The following SYNE1 variants were observed in gnomAD, a reference collection of about 807,000 sequenced individuals.
SYNE1 encodes the protein nesprin-1.
SYNE1 carries 616 observed loss-of-function variants against 1,111.0 expected under a neutral mutation model. The ratio of observed to expected loss-of-function variants is 0.55; its 90% CI spans 0.52 to 0.59. The LOEUF is 0.59. Ranked by LOEUF, SYNE1 falls within the 20% of genes least tolerant of loss-of-function variation. The probability of loss-of-function intolerance (pLI) is 0.00; values close to 1 mark genes in which losing one functional copy is unlikely to be tolerated. For missense variants in SYNE1, 10,006 were observed against 10,417.0 expected (o/e 0.96, Z 1.72); for synonymous variants, 3,855 against 3,825.8 (o/e 1.01, Z -0.28).
chr6:152,344,426 C>G (rs2096594920), intron 73 of SYNE1, among the ~76,000 whole-genome samples, 199 bp from the exon 74 acceptor site: 1 of 152,210 alleles, frequency 6.6e-6, no homozygotes, highest in East Asian at 1.9e-4. Flanking sequence ...TTGATAACTT[C>G]TCGGACCACA....
intron 59 of SYNE1, among the ~76,000 whole-genome samples, chr6:152,372,019 A>C (rs1410181447): frequency 6.6e-6 from 1 of 152,132 alleles, no homozygotes; most frequent in Non-Finnish European, 1.5e-5. Flanking sequence ...AAACAGATAG[A>C]TACCTATTCT....
chr6:152,168,291 G>T (rs552482030), intron 130 of SYNE1: 17 of 615,870 alleles, frequency 2.8e-5, no homozygotes, highest in Admixed American at 1.4e-4. Flanking sequence ...TCTGTGTATA[G>T]AAGTATGAAA....
rs916365144 is a variant in SYNE1, at chr6:152,535,928, C to T, written c.129+4032G>A. Among the ~76,000 whole-genome samples, 160 of 152,092 alleles carry T rather than the reference C, an allele frequency of 1.1e-3. 3 individuals carry two copies. The highest frequency in any genetic ancestry group is 5.8e-4 in the East Asian group (3 of 5,168). ...ATTCATCGTAACATAACTTCTTTGC[C>T]TAAAATGCAAGGCCTATGCTGTTAG... On this transcript the variant is annotated intron_variant, in intron 4 of 145. Transcript: ENST00000367255.
intron 47 of SYNE1, 33 bp from the exon 48 acceptor site, chr6:152,399,856 C>T (rs1398822053): frequency 4.4e-6 from 7 of 1,604,638 alleles, no homozygotes; most frequent in African/African-American, 1.3e-5. Context: ...GAAGGATATT[C>T]ATAACTTGAG....
rs111849554 is a variant in SYNE1, at chr6:152,404,400, T to A, written c.6724-86A>T. The A allele has an allele frequency of 3.9e-4, 396 of 1,024,442 alleles. 1 individual carries two copies. In the African/African-American group the frequency reaches 5.1e-3, roughly 13 times the overall value. The allele number at this position is 1,024,442 out of a possible 1,614,324, so 63.5% of individuals were successfully genotyped here. A position where few individuals can be genotyped will look rare whatever the true frequency, so the allele number is the denominator to read the frequency against. On this transcript the variant is annotated intron_variant, in intron 45 of 145. Coordinates refer to ENST00000367255, the MANE Select transcript of SYNE1 (RefSeq NM_182961.4). ...ATAATTTCAAGAAGAGCTAACTTTG[T>A]CGAAATACCCCAACTTTAAGCCAGT...
At chr6:152,439,817 G>C (rs751349867) in intron 32 of SYNE1, among the ~76,000 whole-genome samples, 2 of 152,150 alleles carry the variant, frequency 1.3e-5, no homozygotes, top group Non-Finnish European at 2.9e-5. Context: ...AAACCCCAAA[G>C]AGGCACCACA....
chr6:152,580,954 T>C (rs2099517121), intron 3 of SYNE1, among the ~76,000 whole-genome samples: 2 of 152,260 alleles, frequency 1.3e-5, no homozygotes. Flanking sequence ...TGGCATTCAT[T>C]GGGCTACATC....
chr6:152,449,457 A>G (rs1421510913), intron 28 of SYNE1, 76 bp downstream of exon 28: 6 of 1,118,008 alleles, frequency 5.4e-6, no homozygotes, highest in African/African-American at 3.1e-5. Context: ...AAAAAAGCAG[A>G]GAACCGTTAG....
rs548601450 is a variant in SYNE1, at chr6:152,460,361, C to T, written c.2394+1236G>A. Among the ~76,000 whole-genome samples, 19 of 152,270 alleles carry T rather than the reference C, an allele frequency of 1.2e-4. No individual in the cohort carries two copies. In the South Asian group the frequency reaches 2.9e-3, roughly 23 times the overall value. ...AAAATGAACTGAACATAAACATTCT[C>T]ATACATACCATATTGATAGATAAAA... is the stretch of plus-strand genomic sequence containing the variant. On this transcript the variant is annotated intron_variant, in intron 21 of 145. Transcript: ENST00000367255.
At chr6:152,475,929 C>T (rs529606300) in intron 14 of SYNE1, among the ~76,000 whole-genome samples, 2 of 152,286 alleles carry the variant, frequency 1.3e-5, no homozygotes, top group African/African-American at 2.4e-5. Flanking sequence ...ATCCTCCATA[C>T]GTTTGCTTCC....
At chr6:152,630,220 T>C (rs1225163373) in intron 2 of SYNE1, among the ~76,000 whole-genome samples, 5 of 152,050 alleles carry the variant, frequency 3.3e-5, no homozygotes, top group African/African-American at 1.2e-4. Context: ...AAAGCATTAC[T>C]AACTTAGCAA....
intron 101 of SYNE1, among the ~76,000 whole-genome samples, chr6:152,258,113 T>C (rs756993279): frequency 2.0e-5 from 3 of 152,038 alleles, no homozygotes; most frequent in Non-Finnish European, 2.9e-5. Context: ...AAGAGAAAAA[T>C]AGATATAAAT....
chr6:152,359,540 T>A, intron 64 of SYNE1, 82 bp from the exon 65 acceptor site: 3 of 1,570,874 alleles, frequency 1.9e-6, no homozygotes, highest in Non-Finnish European at 2.6e-6. Context: ...ATATTTTAAT[T>A]GTACAGTTGA....
Position 152,132,153 on chromosome 6 carries a change from G to T in SYNE1, c.26063C>A (p.Ser8688Ter). 6.2e-7 allele frequency: 1 copy of T among 1,614,170 alleles called. No individual in the cohort carries two copies. Among genetic ancestry groups the T allele is most frequent in the Non-Finnish European group, 8.5e-7 (1 of 1,180,020 alleles). ...LDTSGSVSPT[S>*]GRSTPNRQKT... ...CTGTCTGTTTGGGGTGCTCCTTCCT[G>T]ATGTGGGACTCACAGACCCTGAGGT... Residue 8688 changes from serine to a stop codon, truncating the protein, a stop_gained, in exon 144 of 146, where the codon TCA becomes TAA. Coordinates refer to ENST00000367255, the MANE Select transcript of SYNE1 (RefSeq NM_182961.4). LOFTEE classifies it high-confidence loss of function.
chr6:152,369,452 G>A lies in SYNE1; in HGVS notation c.9651+19C>T, dbSNP rs543352190. The A allele has an allele frequency of 6.4e-5, 104 of 1,614,084 alleles. 1 individual carries two copies. In the South Asian group the frequency reaches 9.4e-4, roughly 15 times the overall value. On this transcript the variant is annotated intron_variant, in intron 60 of 145. Coordinates refer to ENST00000367255, the MANE Select transcript of SYNE1 (RefSeq NM_182961.4). ...CAAAGACTAGGTCAGATGGGGCTAC[G>A]GGGAGGCGGGCTCATCACCTGGAGC... is the stretch of plus-strand genomic sequence containing the variant.
chr6:152,448,378 G>A (rs2098611715), intron 28 of SYNE1, among the ~76,000 whole-genome samples: 1 of 152,174 alleles, frequency 6.6e-6, no homozygotes, highest in South Asian at 2.1e-4. Context: ...CAGGGCAAAT[G>A]CACACCAGCC....
chr6:152,432,328 AT>A (rs1212043751), intron 34 of SYNE1, among the ~76,000 whole-genome samples: 1 of 152,136 alleles, frequency 6.6e-6, no homozygotes, highest in Non-Finnish European at 1.5e-5. Flanking sequence ...CTTTCCTATA[AT>A]GTAGTCTTAT....
intron 108 of SYNE1, among the ~76,000 whole-genome samples, chr6:152,238,940 C>T (rs774437064): frequency 2.6e-5 from 4 of 151,600 alleles, no homozygotes; most frequent in Non-Finnish European, 5.9e-5. Context: ...CTCCCGTTGC[C>T]CAGGCTGGAG....
chr6:152,352,455 T>C, intron 69 of SYNE1, 102 bp from the exon 70 acceptor site: 1 of 1,248,418 alleles, frequency 8.0e-7, no homozygotes. Flanking sequence ...CAGGCTAGAG[T>C]GCAGTGGCAC....
Sources: gnomAD v4.1 joint callset for allele counts (sites outside exome capture counted in the v4.1 genomes callset) on GRCh38, gnomAD v4.1.1 for gene constraint, MANE v1.5 for transcripts, NCBI Gene and HGNC (gene_info 2026-07-23, HGNC 2026-07-21) for gene names.